Variants in ATOSA observed in about 807,000 individuals in gnomAD.
The protein encoded by ATOSA is atos homolog protein A.
chr15:52,592,228 G>A, the ATOSA span, among the ~76,000 whole-genome samples: 2 of 152,156 alleles, frequency 1.3e-5, no homozygotes, highest in African/African-American at 4.8e-5. Context: ...AGGAGAGGAA[G>A]CAGTTGGGCC....
At chr15:52,656,448 C>T in the ATOSA span, 2 of 151,890 alleles carry the variant, frequency 1.3e-5, no homozygotes, top group South Asian at 2.1e-4. Context: ...CAAACAGCAA[C>T]CAAAATATAC....
At chr15:52,610,038 A>G in the ATOSA span, 1 of 1,613,990 alleles carries the variant, frequency 6.2e-7, no homozygotes, top group Non-Finnish European at 8.5e-7. Flanking sequence ...TGACAGCTGC[A>G]GTATATTCTG....
At chr15:52,633,049 G>C in the ATOSA span, among the ~76,000 whole-genome samples, 1 of 152,174 alleles carries the variant, frequency 6.6e-6, no homozygotes, top group Non-Finnish European at 1.5e-5. Context: ...GTACAGGCAT[G>C]TTACTTCATT....
At chr15:52,638,537 T>A in the ATOSA span, among the ~76,000 whole-genome samples, 1 of 151,646 alleles carries the variant, frequency 6.6e-6, no homozygotes, top group South Asian at 2.1e-4. Flanking sequence ...CGACTAAAAA[T>A]ACAAAAATTA....
chr15:52,654,822 C>G, the ATOSA span, among the ~76,000 whole-genome samples: 10 of 151,950 alleles, frequency 6.6e-5, no homozygotes, highest in Non-Finnish European at 1.3e-4. Context: ...AGATAACATG[C>G]TATCTTTGAG....
chr15:52,593,818 A>C, the ATOSA span: 1 of 1,320,496 alleles, frequency 7.6e-7, no homozygotes, highest in African/African-American at 1.5e-5. Context: ...ATATACACTT[A>C]GTCTAAAGGC....
At chr15:52,593,132 T>G in the ATOSA span, among the ~76,000 whole-genome samples, 1 of 145,178 alleles carries the variant, frequency 6.9e-6, no homozygotes, top group Non-Finnish European at 1.5e-5. Flanking sequence ...GGCAAGAGAG[T>G]GAGATGCTGT....
At chr15:52,657,536 T>C in the ATOSA span, 2 of 152,340 alleles carry the variant, frequency 1.3e-5, no homozygotes, top group East Asian at 3.9e-4. Context: ...GTCACCATTA[T>C]TATCAGTGGC....
the ATOSA span, among the ~76,000 whole-genome samples, chr15:52,687,984 T>C: frequency 1.5e-4 from 23 of 152,328 alleles, no homozygotes; most frequent in African/African-American, 5.3e-4. Context: ...GAAAAGCAGA[T>C]GCCTAGGCTA....
At chr15:52,692,379 C>T in the ATOSA span, among the ~76,000 whole-genome samples, 1 of 152,156 alleles carries the variant, frequency 6.6e-6, no homozygotes, top group South Asian at 2.1e-4. Context: ...ACTTTTGACA[C>T]AGGGTTTTGC....
the ATOSA span, among the ~76,000 whole-genome samples, chr15:52,613,281 G>T: frequency 5.3e-5 from 8 of 152,216 alleles, no homozygotes; most frequent in South Asian, 4.1e-4. Context: ...CAGAAGAATT[G>T]CTTGAACCCG....
At chr15:52,680,056 G>A in the ATOSA span, among the ~76,000 whole-genome samples, 3 of 150,778 alleles carry the variant, frequency 2.0e-5, no homozygotes, top group East Asian at 2.0e-4. Flanking sequence ...CACTCGCTGT[G>A]CTAAAAATAA....
the ATOSA span, among the ~76,000 whole-genome samples, chr15:52,647,695 G>T: frequency 6.6e-6 from 1 of 152,108 alleles, no homozygotes; most frequent in Non-Finnish European, 1.5e-5. Flanking sequence ...CATTTGCAGG[G>T]GTCAAAGGGG....
At chr15:52,661,931 C>CAAAAAAAAAAAAAAAAAAAAAAAAA in the ATOSA span, among the ~76,000 whole-genome samples, 2 of 73,258 alleles carry the variant, frequency 2.7e-5, no homozygotes, top group African/African-American at 6.0e-5. Flanking sequence ...CAAGCCAGGC[C>CAAAAAAAAAAAAAAAAAAAAAAAAA]AAAAAAAAAA....
At chr15:52,673,589 A>C in the ATOSA span, among the ~76,000 whole-genome samples, 1 of 152,368 alleles carries the variant, frequency 6.6e-6, no homozygotes, top group East Asian at 1.9e-4. Flanking sequence ...TAGTATGAAC[A>C]AGTATTAGCT....
At chr15:52,681,521 G>A in the ATOSA span, among the ~76,000 whole-genome samples, 2 of 152,268 alleles carry the variant, frequency 1.3e-5, no homozygotes, top group South Asian at 2.1e-4. Flanking sequence ...CATGTTCAGA[G>A]CGTTTGGAAA....
At chr15:52,588,754 T>C in the ATOSA span, among the ~76,000 whole-genome samples, 1 of 152,230 alleles carries the variant, frequency 6.6e-6, no homozygotes, top group African/African-American at 2.4e-5. Context: ...GCCCAGGCTG[T>C]GATACTTAAA....
the ATOSA span, among the ~76,000 whole-genome samples, chr15:52,693,714 G>A: frequency 6.6e-6 from 1 of 152,284 alleles, no homozygotes; most frequent in African/African-American, 2.4e-5. Context: ...TGCAATCTCA[G>A]TCAAGATTTC....
the ATOSA span, among the ~76,000 whole-genome samples, chr15:52,614,169 A>T: frequency 3.9e-5 from 6 of 152,032 alleles, no homozygotes; most frequent in Admixed American, 2.6e-4. Context: ...GCAATGGCGC[A>T]ATCTCGGCTC....
Sources: gnomAD v4.1 joint callset for allele counts (sites outside exome capture counted in the v4.1 genomes callset) on GRCh38, gnomAD v4.1.1 for gene constraint, MANE v1.5 for transcripts, NCBI Gene and HGNC (gene_info 2026-07-23, HGNC 2026-07-21) for gene names.